Variants in ETFA observed in about 807,000 individuals in gnomAD.
ETFA encodes electron transfer flavoprotein subunit alpha, mitochondrial.
Under a neutral mutation model 46.2 loss-of-function variants are expected in ETFA, and 22 were observed. The observed-to-expected ratio is 0.48, with a 90% confidence interval of 0.34 to 0.68. The LOEUF (loss-of-function observed/expected upper bound fraction) is 0.68, where lower values mean the gene tolerates loss of function less well. Among genes scored for constraint, ETFA ranks in the 30% least tolerant of loss-of-function variants. ETFA has a pLI of 0.01. For missense variants in ETFA, 345 were observed against 401.1 expected (o/e 0.86, Z 1.19); for synonymous variants, 131 against 139.9 (o/e 0.94, Z 0.45).
intron 10 of ETFA, chr15:76,230,945 A>G (rs2039060894): frequency 5.6e-6 from 1 of 179,436 alleles, no homozygotes; most frequent in Non-Finnish European, 1.2e-5. Flanking sequence ...CTCAAAAATA[A>G]GTTACACGTT....
At chr15:76,221,970 G>A (rs2038959601) in intron 11 of ETFA, among the ~76,000 whole-genome samples, 2 of 152,116 alleles carry the variant, frequency 1.3e-5, no homozygotes, top group Admixed American at 6.5e-5. Context: ...GGAATTATTA[G>A]TCTAACAGCT....
chr15:76,240,070 CTTTCT>C (rs1266500965), intron 9 of ETFA, among the ~76,000 whole-genome samples: 2 of 152,154 alleles, frequency 1.3e-5, no homozygotes, highest in African/African-American at 4.8e-5. Flanking sequence ...GATGATGTTT[CTTTCT>C]TTTAATTTAT....
chr15:76,255,987 G>A (rs1269434091), intron 9 of ETFA, among the ~76,000 whole-genome samples: 1 of 151,906 alleles, frequency 6.6e-6, no homozygotes, highest in African/African-American at 2.4e-5. Flanking sequence ...GCAGAGCACG[G>A]TGGCTCACAC....
intron 9 of ETFA, among the ~76,000 whole-genome samples, chr15:76,250,814 G>C (rs1357330137): frequency 6.6e-6 from 1 of 152,006 alleles, no homozygotes; most frequent in Non-Finnish European, 1.5e-5. Context: ...TGGGATTACA[G>C]GTGTGAGCCA....
intron 9 of ETFA, among the ~76,000 whole-genome samples, chr15:76,258,519 C>T (rs2141490512): frequency 6.6e-6 from 1 of 152,330 alleles, no homozygotes; most frequent in South Asian, 2.1e-4. Flanking sequence ...AAGAACATCT[C>T]TTTGTGACTT....
intron 8 of ETFA, among the ~76,000 whole-genome samples, chr15:76,280,917 CTTTTTTTTTTT>C (rs35907442): frequency 9.8e-6 from 1 of 102,064 alleles, no homozygotes; most frequent in African/African-American, 4.0e-5. Context: ...GTTCAGATGT[CTTTTTTTTTTT>C]TTTTTTTTTC....
At chr15:76,271,878 T>C (rs1453235904) in intron 9 of ETFA, among the ~76,000 whole-genome samples, 3 of 150,646 alleles carry the variant, frequency 2.0e-5, no homozygotes, top group Non-Finnish European at 4.4e-5. Context: ...TGTGTATATA[T>C]GTATATGCAC....
intron 1 of ETFA, among the ~76,000 whole-genome samples, chr15:76,304,769 G>A (rs745307210): frequency 6.6e-6 from 1 of 152,002 alleles, no homozygotes; most frequent in Non-Finnish European, 1.5e-5. Flanking sequence ...CCTCGGCCAG[G>A]AGCGGTGGCT....
intron 1 of ETFA, among the ~76,000 whole-genome samples, chr15:76,309,719 A>T (rs964441257): frequency 6.6e-6 from 1 of 152,090 alleles, no homozygotes; most frequent in Non-Finnish European, 1.5e-5. Context: ...TGTCCACAAA[A>T]CTGTTTTCCA....
chr15:76,248,184 G>A (rs1163800817), intron 9 of ETFA, among the ~76,000 whole-genome samples: 2 of 152,184 alleles, frequency 1.3e-5, no homozygotes, highest in African/African-American at 4.8e-5. Context: ...TAGGGGTACA[G>A]TAATAAACAA....
chr15:76,261,303 T>C, intron 9 of ETFA: 1 of 1,520,382 alleles, frequency 6.6e-7, no homozygotes. Context: ...GCACACCTAC[T>C]ACCGTGAGCC....
chr15:76,268,359 G>A (rs763725583), intron 9 of ETFA, among the ~76,000 whole-genome samples: 14 of 152,048 alleles, frequency 9.2e-5, no homozygotes, highest in South Asian at 4.2e-4. Flanking sequence ...ACCATGGACC[G>A]GGTTCCCCCA....
intron 11 of ETFA, among the ~76,000 whole-genome samples, chr15:76,223,149 T>G (rs953535705): frequency 1.3e-4 from 20 of 151,974 alleles, no homozygotes; most frequent in African/African-American, 4.8e-4. Flanking sequence ...CAAACTGCAT[T>G]TTTTAAGGAG....
intron 4 of ETFA, among the ~76,000 whole-genome samples, chr15:76,288,914 C>CTTTTT (rs1459392805): frequency 2.3e-4 from 15 of 65,190 alleles, no homozygotes; most frequent in African/African-American, 8.5e-4. Flanking sequence ...TCTTCTTCTT[C>CTTTTT]TTCTTCTTTT....
chr15:76,223,216 CT>C (rs3065601), intron 11 of ETFA, among the ~76,000 whole-genome samples: 9,821 of 121,784 alleles, frequency 0.081, 263 homozygotes, highest in Middle Eastern at 0.14. Context: ...TACTTCAGAA[CT>C]TTTTTTTTTT....
chr15:76,247,122 C>T (rs578221596), intron 9 of ETFA, among the ~76,000 whole-genome samples: 97 of 152,282 alleles, frequency 6.4e-4, no homozygotes, highest in Admixed American at 1.7e-3. Context: ...TCCAATGTTC[C>T]TCACTTGAAG....
intron 4 of ETFA, among the ~76,000 whole-genome samples, chr15:76,289,765 T>G (rs1186991491): frequency 2.0e-5 from 3 of 152,232 alleles, no homozygotes; most frequent in African/African-American, 4.8e-5. Context: ...TTGTTTGGCT[T>G]CTTCTGATAG....
In ETFA at chr15:76,311,430, G is replaced by A. The variant is rs546128998; in HGVS notation, c.-42C>T. 50 of 1,546,660 alleles carry A rather than the reference G, an allele frequency of 3.2e-5. 1 individual carries two copies. The highest frequency in any genetic ancestry group is 2.9e-4 in the East Asian group (12 of 41,142). The stretch of plus-strand genomic sequence containing the variant: ...GCAACCTCGGCCTTACAGCAGCCCC[G>A]TGCCCGGCCAACTGGCGCCGCCTCA... On this transcript the variant is annotated 5_prime_UTR_variant, in exon 1 of 12. In the 5' UTR this introduces an upstream ATG that the reference lacks. Coordinates refer to ENST00000557943, the MANE Select transcript of ETFA (RefSeq NM_000126.4).
At chr15:76,252,496 G>C (rs2039307943) in intron 9 of ETFA, among the ~76,000 whole-genome samples, 1 of 152,218 alleles carries the variant, frequency 6.6e-6, no homozygotes, top group Non-Finnish European at 1.5e-5. Context: ...TAGAGATGCA[G>C]GGGGCAGGGG....
Sources: gnomAD v4.1 joint callset for allele counts (sites outside exome capture counted in the v4.1 genomes callset) on GRCh38, gnomAD v4.1.1 for gene constraint, MANE v1.5 for transcripts, NCBI Gene and HGNC (gene_info 2026-07-23, HGNC 2026-07-21) for gene names.